The following RPS6KA4 variants were observed in gnomAD, a reference collection of about 807,000 sequenced individuals.
The protein encoded by RPS6KA4 is ribosomal protein S6 kinase alpha-4.
RPS6KA4 carries 38 observed loss-of-function variants against 89.6 expected under a neutral mutation model. The ratio of observed to expected loss-of-function variants is 0.42; its 90% CI spans 0.33 to 0.56. RPS6KA4 has a LOEUF of 0.56. Ranked by LOEUF, RPS6KA4 falls within the 20% of genes least tolerant of loss-of-function variation. The probability of loss-of-function intolerance (pLI) is 0.07; values close to 1 mark genes in which losing one functional copy is unlikely to be tolerated. For missense variants in RPS6KA4, 873 were observed against 1,098.8 expected, an observed-to-expected ratio of 0.79 and a Z score of 2.90; for synonymous variants, 495 against 492.8, an observed-to-expected ratio of 1.00 and a Z score of -0.06.
Position 64,371,133 on chromosome 11 carries a change from T to C in RPS6KA4, c.2122-150T>C, listed in dbSNP as rs1447130250. On this transcript the variant is annotated intron_variant, in intron 16 of 16. Coordinates refer to ENST00000334205, the MANE Select transcript of RPS6KA4 (RefSeq NM_003942.3). ...AAAAAAAAAAAAAAAAAAAGGGAGG[T>C]GAACCGAATCCGGTGGTCGGTCTGG... is the stretch of plus-strand genomic sequence containing the variant. 6.7e-6 allele frequency: 3 copies of C among 451,108 alleles called. No homozygotes were observed. The East Asian group carries it at 1.1e-4, about 16-fold the overall frequency. 27.9% of individuals were successfully genotyped at this position (451,108 alleles called of 1,614,324 possible).
rs1033395957 is a variant in RPS6KA4 at position 64,371,681 on chromosome 11, GGGGGGGCCTGCTGGGGAGTGGGGTTT to G, written c.*210_*235del. 1 of 491,360 alleles carries G rather than the reference GGGGGGGCCTGCTGGGGAGTGGGGTTT, an allele frequency of 2.0e-6. No individual in the cohort carries two copies. The highest frequency in any genetic ancestry group is 2.0e-5 in the African/African-American group (1 of 49,768). 30.4% of individuals were successfully genotyped at this position (491,360 alleles called of 1,614,324 possible). A position where few individuals can be genotyped will look rare whatever the true frequency, so the allele number is the denominator to read the frequency against. ...TCTTACCAGATAGAGTTGCAGGGAA[GGGGGGGCCTGCTGGGGAGTGGGGTTT>G]GGGGGGCCCTCTCCCAGGACACTGC... is the stretch of plus-strand genomic sequence containing the variant. On this transcript the variant is annotated 3_prime_UTR_variant, in exon 17 of 17. Transcript: ENST00000334205.
At chr11:64,360,664 G>C in intron 4 of RPS6KA4, 72 bp downstream of exon 4, 1 of 1,359,012 alleles carries the variant, frequency 7.4e-7, no homozygotes, top group Non-Finnish European at 1.0e-6. Flanking sequence ...TCTGCACGCA[G>C]GGCAGCCTCA....
chr11:64,368,454 G>GCCTTCT lies in RPS6KA4; in HGVS notation c.1201-9_1201-8insTCCTTC. 1.9e-6 allele frequency: 3 copies of GCCTTCT among 1,547,668 alleles called. No individual in the cohort carries two copies. Among genetic ancestry groups the GCCTTCT allele is most frequent in the Non-Finnish European group, 2.6e-6 (3 of 1,146,742 alleles). On this transcript the variant is annotated splice_polypyrimidine_tract_variant and intron_variant, in intron 10 of 16. Coordinates refer to ENST00000334205, the MANE Select transcript of RPS6KA4 (RefSeq NM_003942.3). ...ACGCGCCGCCTTCGCCTTCGCCTTC[G>GCCTTCT]CCTTCGCCTCCAGGACTCGCCCTTC...
rs115627736 is a variant in RPS6KA4, at chr11:64,369,287, T to C, written c.1429-159T>C. On this transcript the variant is annotated intron_variant, in intron 12 of 16. Transcript: ENST00000334205. ...GCCTGGGCGACAAAGCGAGACTGTCTCCAAAAAAGTAACAAAGAAAGAAAG... is the reference window on the plus strand; with the variant it reads ...GCCTGGGCGACAAAGCGAGACTGTCCCCAAAAAAGTAACAAAGAAAGAAAG... Among the ~76,000 whole-genome samples, 1,041 of 122,560 alleles carry C rather than the reference T, an allele frequency of 8.5e-3. 14 individuals carry two copies. Among genetic ancestry groups the C allele is most frequent in the African/African-American group, 0.03 (1,002 of 32,866 alleles). 80.4% of individuals were successfully genotyped at this position (122,560 alleles called of 152,430 possible).
intron 4 of RPS6KA4, 163 bp downstream of exon 4, chr11:64,360,755 A>C (rs2036723613): frequency 1.6e-6 from 1 of 643,204 alleles, no homozygotes; most frequent in Admixed American, 3.0e-5. Context: ...CCTTGCAGGA[A>C]GCCTCAACGT....
At chr11:64,365,605 G>A in intron 9 of RPS6KA4, 140 bp downstream of exon 9, 1 of 823,000 alleles carries the variant, frequency 1.2e-6, no homozygotes, top group South Asian at 1.9e-5. Context: ...CGCCACTTCA[G>A]TGGGACCTAG....
intron 9 of RPS6KA4, among the ~76,000 whole-genome samples, chr11:64,367,766 GT>G (rs1207336991): frequency 1.3e-5 from 2 of 150,900 alleles, no homozygotes; most frequent in East Asian, 2.0e-4. Flanking sequence ...GGAGGAATAA[GT>G]TTTTTTTCCT....
chr11:64,370,661 C>G lies in RPS6KA4; in HGVS notation c.2056C>G (p.Arg686Gly). 6.4e-7 allele frequency: 1 copy of G among 1,571,618 alleles called. No homozygotes were observed. The highest frequency in any genetic ancestry group is 8.6e-7 in the Non-Finnish European group (1 of 1,165,396). The change falls in exon 16 of 17, where the codon CGG (arginine) becomes GGG (glycine). Residue 686 changes from arginine to glycine, a missense_variant. Arg to Gly is a moderately radical substitution (Grantham distance 125, BLOSUM62 -2). Transcript: ENST00000334205. This position sits in a 1 kb window ranked among gnomAD's most constrained non-coding sequence, Gnocchi z 4.1. ...CAGCGCGCGCTCCTCGCCCCCGCTC[C>G]GGACGCCCGACGTGCTCGAGTCCTC... ...DGSARSSPPL[R>G]TPDVLESSGP...
Position 64,371,646 on chromosome 11 carries a change from A to T in RPS6KA4, c.*166A>T, listed in dbSNP as rs1591323496. ...GCAGAAGTATTTTTATAAGCAGAGA[A>T]TTTTTTATGTCTTACCAGATAGAGT... On this transcript the variant is annotated 3_prime_UTR_variant, in exon 17 of 17. Coordinates refer to ENST00000334205, the MANE Select transcript of RPS6KA4 (RefSeq NM_003942.3). 3 of 519,284 alleles carry T rather than the reference A, an allele frequency of 5.8e-6. No homozygotes were observed. In the Admixed American group the frequency reaches 1.1e-4, roughly 20 times the overall value. 32.2% of individuals were successfully genotyped at this position (519,284 alleles called of 1,614,324 possible).
Position 64,368,546 on chromosome 11 carries a change from C to T in RPS6KA4, c.1279C>T (p.Arg427Cys), listed in dbSNP as rs772979035. 2 of 1,591,284 alleles carry T rather than the reference C, an allele frequency of 1.3e-6. No homozygotes were observed. Among genetic ancestry groups the T allele is most frequent in the East Asian group, 2.3e-5 (1 of 44,076 alleles). Reference sequence around the variant, plus strand: ...CCAGGGCAGCTTTTCTGTGTGTCGCCGCTGCCGCCAGCGCCAGAGCGGCCA... The same window carrying T: ...CCAGGGCAGCTTTTCTGTGTGTCGCTGCTGCCGCCAGCGCCAGAGCGGCCA... ...LGQGSFSVCR[R>C]CRQRQSGQEF... The change falls in exon 11 of 17, where the codon CGC becomes TGC. Residue 427 changes from arginine to cysteine, a missense_variant. Arg to Cys is a radical substitution (Grantham distance 180). Around this residue, in one of 4 missense-constraint regions of RPS6KA4, gnomAD observed 542 missense variants for 736.4 expected, o/e 0.74. Coordinates refer to ENST00000334205, the MANE Select transcript of RPS6KA4 (RefSeq NM_003942.3).
At position 64,370,650 on chromosome 11, in the gene RPS6KA4, C is replaced by A; in HGVS notation, c.2045C>A (p.Ser682Ter). ...CTGCAGGACGGCAGCGCGCGCTCCTCGCCCCCGCTCCGGACGCCCGACGTG... is the reference window on the plus strand; with the variant it reads ...CTGCAGGACGGCAGCGCGCGCTCCTAGCCCCCGCTCCGGACGCCCGACGTG... The part of the protein sequence containing the change: ...SWLQDGSARS[S>*]PPLRTPDVLE... The change falls in exon 16 of 17, where the codon TCG becomes TAG. Residue 682 changes from serine (S) to a stop codon, truncating the protein, a stop_gained. Transcript: ENST00000334205. LOFTEE classifies it high-confidence loss of function. The surrounding 1 kb of genome is among the most constrained non-coding windows in gnomAD (Gnocchi z 4.1). The A allele has an allele frequency of 1.3e-6, 2 of 1,571,744 alleles. No homozygotes were observed. Among genetic ancestry groups the A allele is most frequent in the Non-Finnish European group, 1.7e-6 (2 of 1,165,666 alleles).
chr11:64,368,432 C>T (rs778121712), intron 10 of RPS6KA4, 36 bp from the exon 11 acceptor site: 5 of 1,544,508 alleles, frequency 3.2e-6, no homozygotes, highest in African/African-American at 1.4e-5. Flanking sequence ...ACCTCTGACG[C>T]GCCGCCTTCG....
At chr11:64,359,505 G>C in intron 2 of RPS6KA4, 56 bp downstream of exon 2, 2 of 1,579,380 alleles carry the variant, frequency 1.3e-6, no homozygotes, top group Non-Finnish European at 1.7e-6. Context: ...CTGACCTCCT[G>C]CCTGCTCACT....
intron 10 of RPS6KA4, 70 bp from the exon 11 acceptor site, chr11:64,368,398 G>A: frequency 1.3e-6 from 2 of 1,539,924 alleles, no homozygotes; most frequent in East Asian, 2.4e-5. Context: ...GGGGCGTGGC[G>A]GGGCCGCGGG....
chr11:64,361,839 C>A lies in RPS6KA4; in HGVS notation c.756-13C>A, dbSNP rs761335771. ...GGGGCTTGCTGCCCCTGACACCCCC[C>A]CAATCCTCCCAGACGGATCCTGAAG... On this transcript the variant is annotated splice_polypyrimidine_tract_variant and intron_variant, in intron 7 of 16. Coordinates refer to ENST00000334205, the MANE Select transcript of RPS6KA4 (RefSeq NM_003942.3). The surrounding 1 kb of genome is among the most constrained non-coding windows in gnomAD (Gnocchi z 4.7). 2.5e-6 allele frequency: 4 copies of A among 1,595,494 alleles called. No homozygotes were observed. Among genetic ancestry groups the A allele is most frequent in the Non-Finnish European group, 3.4e-6 (4 of 1,173,616 alleles).
chr11:64,371,522 C>A lies in RPS6KA4; in HGVS notation c.*42C>A. The A allele has an allele frequency of 1.2e-6, 1 of 801,502 alleles. No homozygotes were observed. Among genetic ancestry groups the A allele is most frequent in the Non-Finnish European group, 2.0e-6 (1 of 503,480 alleles). 49.6% of individuals were successfully genotyped at this position (801,502 alleles called of 1,614,324 possible). A position where few individuals can be genotyped will look rare whatever the true frequency, so the allele number is the denominator to read the frequency against. ...CCCCTTCCCTCATAGGGGCTGTGAC[C>A]TGGGAGCCCGGCTCACTCCCGGAGG... is the stretch of plus-strand genomic sequence containing the variant. On this transcript the variant is annotated 3_prime_UTR_variant, in exon 17 of 17. Transcript: ENST00000334205.
chr11:64,369,976 CA>C (rs2037014348), intron 14 of RPS6KA4, 83 bp downstream of exon 14: 1 of 1,365,792 alleles, frequency 7.3e-7, no homozygotes, highest in Non-Finnish European at 9.7e-7. Flanking sequence ...AGGGAGGGGA[CA>C]GGGGTCATCT....
rs778884473 is a variant in RPS6KA4, at chr11:64,365,282, T to C, written c.907-19T>C. The C allele has an allele frequency of 6.2e-7, 1 of 1,608,888 alleles. No homozygotes were observed. Among genetic ancestry groups the C allele is most frequent in the Non-Finnish European group, 8.5e-7 (1 of 1,176,714 alleles). On this transcript the variant is annotated intron_variant, in intron 8 of 16. Coordinates refer to ENST00000334205, the MANE Select transcript of RPS6KA4 (RefSeq NM_003942.3). ...CGTTCCTGGCCTTTGACACCTGACC[T>C]CTGATTCCCTTCCCTCAGGGCCTCG...
rs1456256291 is a variant in RPS6KA4 at position 64,361,754 on chromosome 11, G to A, written c.755+9G>A. On this transcript the variant is annotated intron_variant, in intron 7 of 16. Coordinates refer to ENST00000334205, the MANE Select transcript of RPS6KA4 (RefSeq NM_003942.3). This position sits in a 1 kb window ranked among gnomAD's most constrained non-coding sequence, Gnocchi z 4.7. ...CAGGCTGAGGTGTCTCGGTGAGTAGGGCTGGACGTGGAGGGCGGCCAGAGG... is the reference window on the plus strand; with the variant it reads ...CAGGCTGAGGTGTCTCGGTGAGTAGAGCTGGACGTGGAGGGCGGCCAGAGG... 1 of 1,596,930 alleles carries A rather than the reference G, an allele frequency of 6.3e-7. No individual in the cohort carries two copies. Among genetic ancestry groups the A allele is most frequent in the Non-Finnish European group, 8.5e-7 (1 of 1,173,428 alleles).
Sources: gnomAD v4.1 joint callset for allele counts (sites outside exome capture counted in the v4.1 genomes callset) on GRCh38, gnomAD v4.1.1 for gene constraint, gnomAD v4.1.1 regional missense constraint, Gnocchi (gnomAD v3.1) non-coding constraint, MANE v1.5 for transcripts, NCBI Gene and HGNC (gene_info 2026-07-23, HGNC 2026-07-21) for gene names.